Variants in NRIP1 observed in about 807,000 individuals in gnomAD.
NRIP1 encodes the protein nuclear receptor-interacting protein 1.
Under a neutral mutation model 75.0 loss-of-function variants are expected in NRIP1, and 28 were observed. The ratio of observed to expected loss-of-function variants is 0.37; its 90% CI spans 0.28 to 0.51. The LOEUF is 0.51. Ranked by LOEUF, NRIP1 falls within the 20% of genes least tolerant of loss-of-function variation. NRIP1 has a pLI of 0.92. For missense variants in NRIP1, 1,435 were observed against 1,343.7 expected (o/e 1.07, Z -1.06); for synonymous variants, 526 against 487.6 (o/e 1.08, Z -1.04).
chr21:15,017,680 C>T (rs1438175874), intron 2 of NRIP1, among the ~76,000 whole-genome samples: 1 of 152,142 alleles, frequency 6.6e-6, no homozygotes, highest in African/African-American at 2.4e-5. Context: ...AGGGCCTTGA[C>T]AGTTCTCTGG....
chr21:14,966,864 C>G lies in NRIP1; in HGVS notation c.1329G>C (p.Leu443Phe). 1.2e-6 allele frequency: 2 copies of G among 1,614,034 alleles called. No homozygotes were observed. Among genetic ancestry groups the G allele is most frequent in the Non-Finnish European group, 1.7e-6 (2 of 1,179,988 alleles). The change falls in exon 4 of 4, where the codon TTG becomes TTC. Residue 443 changes from leucine to phenylalanine, a missense_variant. By Grantham distance (22) the Leu-to-Phe change is conservative (BLOSUM62 0). Coordinates refer to ENST00000318948, the MANE Select transcript of NRIP1 (RefSeq NM_003489.4). The part of the protein sequence containing the change: ...SSYSNCVPID[L>F]SCKHRTEKSE... Reference sequence around the variant, plus strand: ...ATTTTTCAGTTCGGTGTTTGCAAGACAAGTCTATGGGAACACAGTTGGAAT... The same window carrying G: ...ATTTTTCAGTTCGGTGTTTGCAAGAGAAGTCTATGGGAACACAGTTGGAAT...
chr21:14,977,678 AG>A (rs530782788), intron 3 of NRIP1, among the ~76,000 whole-genome samples: 99 of 152,340 alleles, frequency 6.5e-4, no homozygotes, highest in African/African-American at 2.3e-3. Context: ...ATATGCCTGA[AG>A]TTTCATTTCT....
At chr21:14,991,783 G>C (rs2087579102) in intron 3 of NRIP1, among the ~76,000 whole-genome samples, 1 of 152,120 alleles carries the variant, frequency 6.6e-6, no homozygotes, top group Non-Finnish European at 1.5e-5. Context: ...AAGGAAGCAA[G>C]GTCACTGTTC....
chr21:15,001,056 G>A (rs531348677), intron 3 of NRIP1, among the ~76,000 whole-genome samples: 91 of 152,130 alleles, frequency 6.0e-4, no homozygotes, highest in Non-Finnish European at 1.2e-3. Flanking sequence ...ACAGATCTCC[G>A]GAATGTCTTC....
chr21:15,005,645 C>T (rs2087950940), intron 3 of NRIP1, among the ~76,000 whole-genome samples: 2 of 152,136 alleles, frequency 1.3e-5, no homozygotes, highest in Non-Finnish European at 2.9e-5. Flanking sequence ...ATCTGGGCTG[C>T]TCTTAGCAGG....
At chr21:14,970,601 TAAGA>T (rs200371427) in intron 3 of NRIP1, among the ~76,000 whole-genome samples, 14,802 of 152,146 alleles carry the variant, frequency 0.097, 862 homozygotes, top group East Asian at 0.2. Context: ...CTCAACTAGT[TAAGA>T]CATTTAACAA....
chr21:14,969,451 A>C (rs530794570), intron 3 of NRIP1, among the ~76,000 whole-genome samples: 2 of 152,220 alleles, frequency 1.3e-5, no homozygotes, highest in Non-Finnish European at 2.9e-5. Context: ...ATTATCTAAG[A>C]AGAGACCAAA....
chr21:15,036,624 CTT>C (rs2088839032), intron 2 of NRIP1, among the ~76,000 whole-genome samples: 1 of 151,972 alleles, frequency 6.6e-6, no homozygotes, highest in African/African-American at 2.4e-5. Context: ...GAAAGTCAAA[CTT>C]ATTTCATTCT....
chr21:14,966,583 G>C lies in NRIP1; in HGVS notation c.1610C>G (p.Thr537Ser). 3.7e-6 allele frequency: 6 copies of C among 1,614,076 alleles called. No individual in the cohort carries two copies. Among genetic ancestry groups the C allele is most frequent in the Non-Finnish European group, 5.1e-6 (6 of 1,179,976 alleles). ...TGTACTGGGGCTTTCTATCACAGAA[G>C]TCCTTGCATAATTTTGTGTATTGAA... ...SKFNTQNYAR[T>S]SVIESPSTNR... Residue 537 changes from threonine (T) to serine (S), a missense_variant, in exon 4 of 4, where the codon ACT (threonine) becomes AGT (serine). Transcript: ENST00000318948.
intron 2 of NRIP1, among the ~76,000 whole-genome samples, chr21:15,032,324 G>A (rs944390035): frequency 2.0e-5 from 3 of 152,084 alleles, no homozygotes; most frequent in African/African-American, 7.2e-5. Flanking sequence ...TAAACTCCTT[G>A]TACTATCAAG....
Position 14,966,299 on chromosome 21 carries a change from G to T in NRIP1, c.1894C>A (p.Gln632Lys), listed in dbSNP as rs773342789. Residue 632 changes from glutamine (Q) to lysine (K), a missense_variant, in exon 4 of 4, where the codon CAA becomes AAA. Physicochemically the swap from Gln to Lys is moderately conservative, Grantham distance 53. Transcript: ENST00000318948. ...TGCATTCCACATTGTGCTAAATTTT[G>T]TAACAGCTTACTGGCACTAAACGTT... ...SATFSASKLL[Q>K]NLAQCGMQSS... 57 of 1,613,956 alleles carry T rather than the reference G, an allele frequency of 3.5e-5. No homozygotes were observed. The highest frequency in any genetic ancestry group is 1.6e-4 in the Middle Eastern group (1 of 6,084).
chr21:15,030,513 A>G (rs946842099), intron 2 of NRIP1, among the ~76,000 whole-genome samples: 2 of 152,214 alleles, frequency 1.3e-5, no homozygotes, highest in African/African-American at 4.8e-5. Context: ...TGGAAATCAT[A>G]TTTTCTCATA....
intron 2 of NRIP1, among the ~76,000 whole-genome samples, chr21:15,024,236 TA>T (rs1386704313): frequency 6.6e-6 from 1 of 152,106 alleles, no homozygotes; most frequent in Non-Finnish European, 1.5e-5. Flanking sequence ...AACAACACCA[TA>T]AAATACACTG....
chr21:15,024,741 C>T (rs77448750), intron 2 of NRIP1, among the ~76,000 whole-genome samples: 2 of 151,800 alleles, frequency 1.3e-5, no homozygotes, highest in African/African-American at 4.8e-5. Flanking sequence ...ATGGGGAATT[C>T]GAGCCCAAGC....
intron 3 of NRIP1, among the ~76,000 whole-genome samples, chr21:14,985,307 T>C (rs1236494881): frequency 6.6e-6 from 1 of 152,226 alleles, no homozygotes; most frequent in East Asian, 1.9e-4. Context: ...GACAATGTTA[T>C]TTAAAATGAT....
At chr21:15,065,185 G>A (rs1477328549), upstream of NRIP1, among the ~76,000 whole-genome samples, 1 of 151,996 alleles carries the variant, frequency 6.6e-6, no homozygotes, top group Non-Finnish European at 1.5e-5. Flanking sequence ...GAAGCCGCGC[G>A]GATCCGGGCG....
At chr21:15,053,587 C>G (rs1435890050) in intron 1 of NRIP1, among the ~76,000 whole-genome samples, 1 of 152,048 alleles carries the variant, frequency 6.6e-6, no homozygotes, top group Non-Finnish European at 1.5e-5. Context: ...TATAACATAC[C>G]GACTGACACT....
intron 1 of NRIP1, among the ~76,000 whole-genome samples, chr21:15,057,974 C>T (rs1600941280): frequency 1.3e-5 from 2 of 152,210 alleles, no homozygotes; most frequent in Admixed American, 1.3e-4. Context: ...TAAACAACTT[C>T]TTAATATTCC....
intron 2 of NRIP1, among the ~76,000 whole-genome samples, chr21:15,016,059 C>G (rs1404091096): frequency 1.3e-5 from 2 of 152,158 alleles, no homozygotes; most frequent in African/African-American, 2.4e-5. Flanking sequence ...ATGGGAGCAT[C>G]ATTAAGTGAG....
Sources: gnomAD v4.1 joint callset for allele counts (sites outside exome capture counted in the v4.1 genomes callset) on GRCh38, gnomAD v4.1.1 for gene constraint, MANE v1.5 for transcripts, NCBI Gene and HGNC (gene_info 2026-07-23, HGNC 2026-07-21) for gene names.